Variants in COBLL1 observed in about 807,000 individuals in gnomAD.
COBLL1 encodes the protein cordon-bleu WH2 repeat protein like 1.
Under a neutral mutation model 94.8 loss-of-function variants are expected in COBLL1, and 50 were observed. That is an observed-to-expected ratio of 0.53 (90% CI 0.42 to 0.67). The LOEUF is 0.67. Among genes scored for constraint, COBLL1 ranks in the 30% least tolerant of loss-of-function variants. COBLL1 has a pLI of 0.00. For missense variants in COBLL1, 1,362 were observed against 1,348.7 expected, an observed-to-expected ratio of 1.01 and a Z score of -0.15; for synonymous variants, 448 against 473.8, an observed-to-expected ratio of 0.95 and a Z score of 0.71.
intron 2 of COBLL1, among the ~76,000 whole-genome samples, chr2:164,747,036 G>GGGA (rs1686894480): frequency 6.6e-6 from 1 of 152,126 alleles, no homozygotes; most frequent in Non-Finnish European, 1.5e-5. Flanking sequence ...GACCATGCCT[G>GGGA]CCATGTAGTA....
chr2:164,687,504 G>C (rs1683361478), intron 13 of COBLL1: 14 of 1,452,542 alleles, frequency 9.6e-6, no homozygotes, highest in Non-Finnish European at 1.3e-5. Context: ...TCTGCAGCTT[G>C]GTGCGGACGG....
chr2:164,824,610 C>A (rs1685341691), intron 2 of COBLL1, among the ~76,000 whole-genome samples: 1 of 152,122 alleles, frequency 6.6e-6, no homozygotes, highest in Admixed American at 6.6e-5. Flanking sequence ...CTTTTTAAAA[C>A]CTACACTTTC....
intron 1 of COBLL1, among the ~76,000 whole-genome samples, chr2:164,670,732 C>T (rs928329164): frequency 2.0e-5 from 3 of 152,126 alleles, no homozygotes; most frequent in Admixed American, 6.5e-5. Flanking sequence ...TTTCCCCCCA[C>T]GAGCCTGCAT....
intron 9 of COBLL1, among the ~76,000 whole-genome samples, chr2:164,702,575 AAATAAT>A (rs1273369266): frequency 3.7e-5 from 5 of 135,072 alleles, no homozygotes; most frequent in South Asian, 2.3e-4. Context: ...AAAAAAAAAA[AAATAAT>A]AATAATAATA....
intron 11 of COBLL1, chr2:164,698,324 G>C (rs1442050995): frequency 1.3e-5 from 2 of 151,244 alleles, no homozygotes; most frequent in Non-Finnish European, 3.0e-5. Flanking sequence ...TATTGAATGT[G>C]GGAGAAAATG....
At position 164,692,405 on chromosome 2, in the gene COBLL1, A is replaced by G. The variant is rs1348343724; in HGVS notation, c.3124-8T>C. Reference sequence around the variant, plus strand: ...ATGTGCAGAGTTATTTTCCTACAAAAATAAATGTGAAATATTTATATGAAT... The same window carrying G: ...ATGTGCAGAGTTATTTTCCTACAAAGATAAATGTGAAATATTTATATGAAT... On this transcript the variant is annotated splice_region_variant and splice_polypyrimidine_tract_variant and intron_variant, in intron 12 of 13. Coordinates refer to ENST00000652658, the MANE Select transcript of COBLL1 (RefSeq NM_001365672.2). 1 of 1,582,986 alleles carries G rather than the reference A, an allele frequency of 6.3e-7. No individual in the cohort carries two copies. The highest frequency in any genetic ancestry group is 8.6e-7 in the Non-Finnish European group (1 of 1,167,176).
At chr2:164,742,056 G>C (rs1235112731) in intron 3 of COBLL1, among the ~76,000 whole-genome samples, 1 of 152,052 alleles carries the variant, frequency 6.6e-6, no homozygotes, top group Admixed American at 6.6e-5. Flanking sequence ...CATGGATCTC[G>C]GTTTCCAGAG....
intron 1 of COBLL1, among the ~76,000 whole-genome samples, chr2:164,674,938 T>G (rs936541508): frequency 2.0e-5 from 3 of 152,214 alleles, no homozygotes; most frequent in Non-Finnish European, 2.9e-5. Flanking sequence ...AAGTGAAATT[T>G]CATATCTGTG....
At chr2:164,770,707 T>C (rs1415381666) in intron 2 of COBLL1, among the ~76,000 whole-genome samples, 2 of 152,174 alleles carry the variant, frequency 1.3e-5, no homozygotes, top group Admixed American at 6.5e-5. Flanking sequence ...GTCTCATTTA[T>C]ACAAACTTTC....
intron 2 of COBLL1, among the ~76,000 whole-genome samples, chr2:164,828,852 T>C (rs1287629744): frequency 6.6e-6 from 1 of 152,236 alleles, no homozygotes; most frequent in Non-Finnish European, 1.5e-5. Context: ...AATTTTTTAA[T>C]GTGGCTCCTA....
At chr2:164,696,039 T>C in intron 11 of COBLL1, 1 of 494,818 alleles carries the variant, frequency 2.0e-6, no homozygotes, top group East Asian at 3.4e-5. Context: ...TTGGAATCCC[T>C]GGCTTAACTA....
At chr2:164,803,836 C>A (rs1221400655) in intron 2 of COBLL1, among the ~76,000 whole-genome samples, 1 of 151,830 alleles carries the variant, frequency 6.6e-6, no homozygotes, top group Non-Finnish European at 1.5e-5. Context: ...AAGCAAATAC[C>A]AATAGTCCAG....
intron 9 of COBLL1, among the ~76,000 whole-genome samples, chr2:164,702,750 A>G (rs890687358): frequency 2.0e-5 from 3 of 151,864 alleles, no homozygotes; most frequent in Non-Finnish European, 4.4e-5. Context: ...GGCTCAAGCA[A>G]TCTTCCACCT....
chr2:164,841,390 C>A lies in COBLL1; in HGVS notation c.-50-144G>T. The A allele has an allele frequency of 8.5e-7, 1 of 1,175,240 alleles. No individual in the cohort carries two copies. The highest frequency in any genetic ancestry group is 1.1e-6 in the Non-Finnish European group (1 of 952,222). 72.8% of individuals were successfully genotyped at this position (1,175,240 alleles called of 1,614,324 possible). A position where few individuals can be genotyped will look rare whatever the true frequency, so the allele number is the denominator to read the frequency against. On this transcript the variant is annotated intron_variant, in intron 1 of 13. Transcript: ENST00000652658. This position sits in a 1 kb window ranked among gnomAD's most constrained non-coding sequence, Gnocchi z 5.5. The stretch of plus-strand genomic sequence containing the variant: ...CGGGTGCGCTTCCACCTGCGGGCCC[C>A]GGCTCCCAGCCCGCGGGCGCCGCCG...
chr2:164,763,768 T>G (rs937853835), intron 2 of COBLL1, among the ~76,000 whole-genome samples: 1 of 152,152 alleles, frequency 6.6e-6, no homozygotes, highest in Non-Finnish European at 1.5e-5. Context: ...TGGAATATAA[T>G]AGAAACAATG....
intron 7 of COBLL1, among the ~76,000 whole-genome samples, chr2:164,712,428 T>C (rs1684943498): frequency 1.3e-5 from 2 of 152,092 alleles, no homozygotes; most frequent in South Asian, 2.1e-4. Context: ...TTAAAACTCA[T>C]GTTTTGTTTT....
chr2:164,689,287 A>C (rs1278920489), intron 13 of COBLL1, among the ~76,000 whole-genome samples: 2 of 152,158 alleles, frequency 1.3e-5, no homozygotes, highest in Non-Finnish European at 2.9e-5. Flanking sequence ...GAGCCATAAG[A>C]CAAGTGGGTA....
chr2:164,841,877 G>C (rs1683643072), upstream of COBLL1: 1 of 1,108,600 alleles, frequency 9.0e-7, no homozygotes, highest in Non-Finnish European at 1.3e-6. This position sits in a 1 kb window ranked among gnomAD's most constrained non-coding sequence, Gnocchi z 5.5. Flanking sequence ...GGCCGACTCA[G>C]CACCTCCCCT....
At chr2:164,728,441 A>C (rs1685823764) in intron 4 of COBLL1, among the ~76,000 whole-genome samples, 1 of 152,066 alleles carries the variant, frequency 6.6e-6, no homozygotes, top group Non-Finnish European at 1.5e-5. Flanking sequence ...ATTTTAATTA[A>C]ATTTGACCCT....
Sources: gnomAD v4.1 joint callset for allele counts (sites outside exome capture counted in the v4.1 genomes callset) on GRCh38, gnomAD v4.1.1 for gene constraint, Gnocchi (gnomAD v3.1) non-coding constraint, MANE v1.5 for transcripts, NCBI Gene and HGNC (gene_info 2026-07-23, HGNC 2026-07-21) for gene names.